The following TEK variants were observed in gnomAD, a reference collection of about 807,000 sequenced individuals.
TEK encodes TEK receptor tyrosine kinase.
Under a neutral mutation model 131.8 loss-of-function variants are expected in TEK, and 43 were observed. That is an observed-to-expected ratio of 0.33 (90% CI 0.26 to 0.42). TEK has a LOEUF of 0.42. Among genes scored for constraint, TEK ranks in the 10% least tolerant of loss-of-function variants. TEK has a pLI of 1.00. For synonymous variants in TEK, 580 were observed against 491.6 expected (o/e 1.18, Z -2.38); for missense variants, 1,162 against 1,384.4 (o/e 0.84, Z 2.55).
rs542963497 is a variant in TEK, at chr9:27,226,731, A to AAAT, written c.3201-1472_3201-1470dup. On this transcript the variant is annotated intron_variant, in intron 21 of 22. Coordinates refer to ENST00000380036, the MANE Select transcript of TEK (RefSeq NM_000459.5). ...CAGAACTGAAAGTATAATAATAAAA[A>AAAT]AATAAAGATACATTTTCTTGCCTAG... 2.6e-5 allele frequency among the ~76,000 whole-genome samples: 4 copies of AAAT among 152,318 alleles called. No homozygotes were observed. The South Asian group carries it at 8.3e-4, about 32-fold the overall frequency.
intron 1 of TEK, among the ~76,000 whole-genome samples, chr9:27,113,683 T>C (rs965851059): frequency 3.5e-4 from 53 of 152,338 alleles, no homozygotes; most frequent in African/African-American, 1.1e-3. Flanking sequence ...ACTGATCTAA[T>C]CTGCCCCAGG....
chr9:27,121,995 G>A (rs902137750), intron 1 of TEK, among the ~76,000 whole-genome samples: 2 of 152,194 alleles, frequency 1.3e-5, no homozygotes, highest in African/African-American at 4.8e-5. Context: ...TTTCTCCCAG[G>A]AAACCTGGAA....
chr9:27,162,387 T>C (rs1325174585), intron 2 of TEK, among the ~76,000 whole-genome samples: 2 of 152,190 alleles, frequency 1.3e-5, no homozygotes, highest in Non-Finnish European at 2.9e-5. Context: ...ATCAATGGCA[T>C]CATCCAAAAT....
intron 2 of TEK, among the ~76,000 whole-genome samples, chr9:27,166,145 T>C (rs1332596258): frequency 6.6e-6 from 1 of 152,250 alleles, no homozygotes; most frequent in Non-Finnish European, 1.5e-5. Context: ...TCTGAATCTT[T>C]ATAGGAATTC....
chr9:27,211,881 C>T (rs945559218), intron 16 of TEK, among the ~76,000 whole-genome samples: 10 of 151,434 alleles, frequency 6.6e-5, no homozygotes, highest in East Asian at 5.8e-4. Context: ...GTATAAATGT[C>T]GATGTTTTTA....
At chr9:27,183,343 A>T in intron 7 of TEK, 116 bp from the exon 8 acceptor site, 4 of 1,175,990 alleles carry the variant, frequency 3.4e-6, no homozygotes, top group Non-Finnish European at 5.0e-6. Flanking sequence ...AAAACAGTAA[A>T]ATATTTGCAA....
chr9:27,189,236 A>T (rs1302006610), intron 9 of TEK, among the ~76,000 whole-genome samples: 1 of 152,128 alleles, frequency 6.6e-6, no homozygotes, highest in African/African-American at 2.4e-5. Context: ...GCTGGTGAAC[A>T]AACTACACAG....
At chr9:27,127,205 G>A (rs745642628) in intron 1 of TEK, among the ~76,000 whole-genome samples, 7 of 152,044 alleles carry the variant, frequency 4.6e-5, no homozygotes, top group Non-Finnish European at 7.4e-5. Context: ...TTCAGCTCCC[G>A]TTTATGAGTG....
In TEK at chr9:27,209,140, T is replaced by A. The variant is rs749694269; in HGVS notation, c.2595T>A (p.Asp865Glu). ...TCCCAGAATATGCCTCCAAAGATGATCACAGGGACTTTGCAGGAGAACTGG... is the reference window on the plus strand; with the variant it reads ...TCCCAGAATATGCCTCCAAAGATGAACACAGGGACTTTGCAGGAGAACTGG... ...KRMKEYASKD[D>E]HRDFAGELEV... Residue 865 changes from aspartate (D) to glutamate (E), a missense_variant, in exon 16 of 23, where the codon GAT becomes GAA. Physicochemically the swap from Asp to Glu is conservative, Grantham distance 45 (BLOSUM62 2). Coordinates refer to ENST00000380036, the MANE Select transcript of TEK (RefSeq NM_000459.5). The A allele has an allele frequency of 1.9e-6, 3 of 1,613,670 alleles. No individual in the cohort carries two copies. The highest frequency in any genetic ancestry group is 1.3e-5 in the African/African-American group (1 of 74,902).
At chr9:27,172,774 C>G in intron 5 of TEK, 27 bp downstream of exon 5, 1 of 1,612,432 alleles carries the variant, frequency 6.2e-7, no homozygotes, top group Non-Finnish European at 8.5e-7. Flanking sequence ...GATAAGTAAG[C>G]TGTGGATTTA....
intron 1 of TEK, among the ~76,000 whole-genome samples, chr9:27,135,099 C>A (rs1433325078): frequency 1.9e-5 from 2 of 106,724 alleles, no homozygotes; most frequent in African/African-American, 7.3e-5. Flanking sequence ...GTGGTGCATG[C>A]CTGTAATCCC....
chr9:27,208,553 G>C (rs1825485652), intron 15 of TEK, among the ~76,000 whole-genome samples: 1 of 152,150 alleles, frequency 6.6e-6, no homozygotes, highest in Non-Finnish European at 1.5e-5. Context: ...ATACCATTTG[G>C]ATTTGATTTG....
intron 6 of TEK, among the ~76,000 whole-genome samples, chr9:27,175,973 T>C (rs1824156310): frequency 6.6e-6 from 1 of 152,144 alleles, no homozygotes; most frequent in Non-Finnish European, 1.5e-5. Context: ...CTTGCCCAGG[T>C]TTATAAGAGT....
At chr9:27,129,480 TC>T in intron 1 of TEK, among the ~76,000 whole-genome samples, 1 of 152,130 alleles carries the variant, frequency 6.6e-6, no homozygotes, top group East Asian at 1.9e-4. Context: ...CCATGCCACT[TC>T]CCCCTTGCAT....
chr9:27,184,651 T>C (rs1373134137), intron 8 of TEK, among the ~76,000 whole-genome samples: 1 of 152,194 alleles, frequency 6.6e-6, no homozygotes, highest in African/African-American at 2.4e-5. Flanking sequence ...CATAACTATA[T>C]GTAACTTCTT....
chr9:27,210,451 G>A (rs1825567186), intron 16 of TEK: 8 of 199,564 alleles, frequency 4.0e-5, no homozygotes, highest in South Asian at 3.3e-4. Flanking sequence ...CCAAGTGGCC[G>A]TGGTGGACAG....
intron 2 of TEK, among the ~76,000 whole-genome samples, chr9:27,161,608 T>C (rs1169210213): frequency 6.6e-6 from 1 of 152,204 alleles, no homozygotes; most frequent in Non-Finnish European, 1.5e-5. Flanking sequence ...TCTCACTTAA[T>C]GTTAGCAACT....
intron 1 of TEK, among the ~76,000 whole-genome samples, chr9:27,122,312 C>T (rs1821823468): frequency 6.6e-6 from 1 of 152,084 alleles, no homozygotes; most frequent in Non-Finnish European, 1.5e-5. Flanking sequence ...TGAGAGAAAA[C>T]AGGGATCTCA....
rs748662110 is a variant in TEK, at chr9:27,185,629, G to A, written c.1327G>A (p.Val443Ile). 6 of 1,613,568 alleles carry A rather than the reference G, an allele frequency of 3.7e-6. No individual in the cohort carries two copies. The highest frequency in any genetic ancestry group is 4.2e-6 in the Non-Finnish European group (5 of 1,179,682). Reference protein sequence around the residue: ...VEKPFNISVKVLPKPLNAPNV... With the variant: ...VEKPFNISVKILPKPLNAPNV... ...AAAGCCCTTCAACATTTCTGTTAAA[G>A]GTAAGTTCATTTCCCAGAAAAAGGG... The change falls in exon 9 of 23, where the codon GTT becomes ATT. Residue 443 changes from valine to isoleucine, a missense_variant and splice_region_variant. Coordinates refer to ENST00000380036, the MANE Select transcript of TEK (RefSeq NM_000459.5).
Sources: gnomAD v4.1 joint callset for allele counts (sites outside exome capture counted in the v4.1 genomes callset) on GRCh38, gnomAD v4.1.1 for gene constraint, MANE v1.5 for transcripts, NCBI Gene and HGNC (gene_info 2026-07-23, HGNC 2026-07-21) for gene names.